TCERG1L: variants seen among roughly 807,000 people sequenced by gnomAD.
TCERG1L encodes the protein transcription elongation regulator 1-like protein.
In TCERG1L, 37 loss-of-function variants were observed where a neutral mutation model predicts 56.3. The ratio of observed to expected loss-of-function variants is 0.66; its 90% confidence interval spans 0.51 to 0.87. The LOEUF (loss-of-function observed/expected upper bound fraction) is 0.87. Among genes scored for constraint, TCERG1L ranks in the 40% least tolerant of loss-of-function variants. The pLI is 0.00. For synonymous variants in TCERG1L, 324 were observed against 326.3 expected (o/e 0.99, Z 0.08); for missense variants, 799 against 774.2 (o/e 1.03, Z -0.38).
At chr10:131,255,617 A>G (rs1846158636) in intron 4 of TCERG1L, among the ~76,000 whole-genome samples, 1 of 152,234 alleles carries the variant, frequency 6.6e-6, no homozygotes, top group South Asian at 2.1e-4. Context: ...CGTGCATGAT[A>G]TATTTCCACA....
chr10:131,227,351 C>T (rs1845801833), intron 4 of TCERG1L, among the ~76,000 whole-genome samples: 1 of 152,228 alleles, frequency 6.6e-6, no homozygotes, highest in Admixed American at 6.5e-5. Context: ...GTAGAGTCCC[C>T]TTGGGTGGAC....
At chr10:131,234,923 C>T (rs1041350256) in intron 4 of TCERG1L, among the ~76,000 whole-genome samples, 10 of 152,158 alleles carry the variant, frequency 6.6e-5, no homozygotes, top group South Asian at 2.1e-4. Context: ...AGGATGGTCT[C>T]GATCTTTTGA....
At chr10:131,268,950 G>A (rs1367960446) in intron 3 of TCERG1L, among the ~76,000 whole-genome samples, 1 of 152,106 alleles carries the variant, frequency 6.6e-6, no homozygotes, top group Non-Finnish European at 1.5e-5. Flanking sequence ...TTTTATTGTT[G>A]TTGTTCACTG....
At chr10:131,246,065 T>C (rs1846033127) in intron 4 of TCERG1L, among the ~76,000 whole-genome samples, 2 of 152,284 alleles carry the variant, frequency 1.3e-5, no homozygotes, top group African/African-American at 2.4e-5. Context: ...CCAGCCCTGC[T>C]GGGTTCACGA....
At chr10:131,255,433 T>A (rs543080641) in intron 4 of TCERG1L, among the ~76,000 whole-genome samples, 2 of 152,346 alleles carry the variant, frequency 1.3e-5, no homozygotes, top group African/African-American at 4.8e-5. Context: ...CATATATTTT[T>A]AAAAATAGCA....
At chr10:131,177,287 A>C (rs1845111838) in intron 4 of TCERG1L, among the ~76,000 whole-genome samples, 1 of 152,238 alleles carries the variant, frequency 6.6e-6, no homozygotes, top group South Asian at 2.1e-4. Context: ...ACACAAAGCA[A>C]AGCTTTTGCC....
chr10:131,242,850 G>A (rs1845988386), intron 4 of TCERG1L, among the ~76,000 whole-genome samples: 1 of 152,138 alleles, frequency 6.6e-6, no homozygotes. Flanking sequence ...AACAAAACTA[G>A]AAAATCTGGT....
At chr10:131,245,567 C>G (rs1181402375) in intron 4 of TCERG1L, among the ~76,000 whole-genome samples, 1 of 152,154 alleles carries the variant, frequency 6.6e-6, no homozygotes, top group African/African-American at 2.4e-5. Context: ...GAAATATGAC[C>G]AAGCCCGCAG....
intron 4 of TCERG1L, among the ~76,000 whole-genome samples, chr10:131,219,343 C>T (rs1462628989): frequency 2.0e-5 from 3 of 152,240 alleles, no homozygotes; most frequent in African/African-American, 7.2e-5. Flanking sequence ...TCAGCTGTCA[C>T]TCCCCAGGAG....
In TCERG1L at chr10:131,289,065, T is replaced by G. The variant is rs77062414; in HGVS notation, c.670+19146A>C. Among the ~76,000 whole-genome samples, 894 of 152,306 alleles carry G rather than the reference T, an allele frequency of 5.9e-3. 5 individuals are homozygous for G. Among genetic ancestry groups the G allele is most frequent in the Middle Eastern group, 0.017 (5 of 294 alleles). On this transcript the variant is annotated intron_variant, in intron 3 of 11. Coordinates refer to ENST00000368642, the MANE Select transcript of TCERG1L (RefSeq NM_174937.4). ...TCAGGGTTACAGAATTATTAAAAGCTCTTCCTATTTCCTGACAAAACATGA... is the reference window on the plus strand; with the variant it reads ...TCAGGGTTACAGAATTATTAAAAGCGCTTCCTATTTCCTGACAAAACATGA...
At chr10:131,216,173 C>T (rs564573323) in intron 4 of TCERG1L, among the ~76,000 whole-genome samples, 1 of 152,338 alleles carries the variant, frequency 6.6e-6, no homozygotes, top group East Asian at 1.9e-4. Context: ...TTTCTGCTCA[C>T]TCTGCCCTTG....
rs1281972967 is a variant in TCERG1L at position 131,220,793 on chromosome 10, G to C, written c.856+39466C>G. Among the ~76,000 whole-genome samples, 2 of 152,244 alleles carry C rather than the reference G, an allele frequency of 1.3e-5. 1 individual carries two copies. Among genetic ancestry groups the C allele is most frequent in the Non-Finnish European group, 2.9e-5 (2 of 68,040 alleles). ...AACCCTTGGCAGTGGTCCAGAGCCA[G>C]GATGAGGAAAGGGGGTGGGGGTGGA... is the stretch of plus-strand genomic sequence containing the variant. On this transcript the variant is annotated intron_variant, in intron 4 of 11. Coordinates refer to ENST00000368642, the MANE Select transcript of TCERG1L (RefSeq NM_174937.4).
At chr10:131,143,493 A>T (rs909681880) in intron 7 of TCERG1L, among the ~76,000 whole-genome samples, 10 of 152,052 alleles carry the variant, frequency 6.6e-5, no homozygotes, top group Non-Finnish European at 2.9e-5. Context: ...GCTGCACCAA[A>T]TGTCCCAGTG....
chr10:131,303,560 C>T (rs977011345), intron 3 of TCERG1L, among the ~76,000 whole-genome samples: 5 of 152,072 alleles, frequency 3.3e-5, no homozygotes, highest in African/African-American at 1.2e-4. Flanking sequence ...CAAAAATTTT[C>T]TTCCATTCAC....
At chr10:131,292,856 A>ATT (rs34216280) in intron 3 of TCERG1L, among the ~76,000 whole-genome samples, 6,016 of 140,852 alleles carry the variant, frequency 0.043, 187 homozygotes, top group Middle Eastern at 0.069. Flanking sequence ...TATTTCTGGG[A>ATT]TTTTTTTTTT....
In TCERG1L at chr10:131,311,665, G is replaced by A. The variant is rs987066322; in HGVS notation, c.-30C>T. On this transcript the variant is annotated 5_prime_UTR_variant, in exon 1 of 12. Coordinates refer to ENST00000368642, the MANE Select transcript of TCERG1L (RefSeq NM_174937.4). This position sits in a 1 kb window ranked among gnomAD's most constrained non-coding sequence, Gnocchi z 4.0. Reference sequence around the variant, plus strand: ...CATCCCCGCGCTGACGGCGGCGGCGGGGGCGGCGGGCGCCCGAGATGCTGG... The same window carrying A: ...CATCCCCGCGCTGACGGCGGCGGCGAGGGCGGCGGGCGCCCGAGATGCTGG... The A allele has an allele frequency of 2.2e-5, 24 of 1,082,086 alleles. No homozygotes were observed. Among genetic ancestry groups the A allele is most frequent in the African/African-American group, 1.8e-4 (10 of 56,300 alleles). 67.0% of individuals were successfully genotyped at this position (1,082,086 alleles called of 1,614,324 possible).
At chr10:131,261,887 A>G (rs1077084) in intron 3 of TCERG1L, among the ~76,000 whole-genome samples, 80,091 of 151,978 alleles carry the variant, frequency 0.53, 21,220 homozygotes, top group East Asian at 0.7. Context: ...GTCCTCACTG[A>G]GAAGGAAAAA....
At chr10:131,141,815 C>T (rs1482976341) in intron 7 of TCERG1L, among the ~76,000 whole-genome samples, 2 of 152,176 alleles carry the variant, frequency 1.3e-5, no homozygotes, top group African/African-American at 4.8e-5. Context: ...ATCCAGGAGC[C>T]TGGCTCAGCC....
chr10:131,205,904 C>A (rs1294441707), intron 4 of TCERG1L, among the ~76,000 whole-genome samples: 1 of 152,204 alleles, frequency 6.6e-6, no homozygotes, highest in Admixed American at 6.5e-5. Context: ...GTGGTGACTG[C>A]CCTCCACCTG....
Sources: allele counts gnomAD v4.1 joint callset (sites outside exome capture counted in the v4.1 genomes callset), GRCh38; gene constraint gnomAD v4.1.1; non-coding constraint Gnocchi (gnomAD v3.1); transcripts MANE v1.5; gene names NCBI Gene and HGNC (gene_info 2026-07-23, HGNC 2026-07-21).